Variants in SH3GL2 observed in about 807,000 individuals in gnomAD.
SH3GL2 encodes SH3 domain containing GRB2 like 2, endophilin A1.
Under a neutral mutation model 46.0 loss-of-function variants are expected in SH3GL2, and 24 were observed. The observed-to-expected ratio is 0.52, with a 90% CI of 0.38 to 0.73. The LOEUF (loss-of-function observed/expected upper bound fraction) is 0.73. SH3GL2 is among the 30% of genes least tolerant of loss of function. The pLI is 0.00. For missense variants in SH3GL2, 413 were observed against 424.2 expected, an observed-to-expected ratio of 0.97 and a Z score of 0.23; for synonymous variants, 196 against 147.1, an observed-to-expected ratio of 1.33 and a Z score of -2.40.
At chr9:17,684,664 A>G (rs929393464) in intron 1 of SH3GL2, among the ~76,000 whole-genome samples, 17 of 152,284 alleles carry the variant, frequency 1.1e-4, no homozygotes, top group African/African-American at 3.6e-4. Flanking sequence ...ACAGTCAGAC[A>G]TATTGTATTC....
At chr9:17,777,432 A>G (rs901189538) in intron 3 of SH3GL2, among the ~76,000 whole-genome samples, 2 of 152,222 alleles carry the variant, frequency 1.3e-5, no homozygotes, top group East Asian at 3.9e-4. Context: ...AAAAGAAAGT[A>G]TATGGGTTGA....
At chr9:17,664,730 A>G (rs1323806603) in intron 1 of SH3GL2, among the ~76,000 whole-genome samples, 1 of 151,636 alleles carries the variant, frequency 6.6e-6, no homozygotes, top group Non-Finnish European at 1.5e-5. Flanking sequence ...TAGAAAATTC[A>G]AAAGTACATT....
chr9:17,686,205 C>A, intron 1 of SH3GL2, among the ~76,000 whole-genome samples: 5 of 121,994 alleles, frequency 4.1e-5, no homozygotes, highest in Admixed American at 1.8e-4. Context: ...TCATCACTGG[C>A]CATCAGAGAA....
At chr9:17,668,410 C>T (rs1026728751) in intron 1 of SH3GL2, among the ~76,000 whole-genome samples, 2 of 152,062 alleles carry the variant, frequency 1.3e-5, no homozygotes, top group Non-Finnish European at 2.9e-5. Context: ...CATCCTTGTC[C>T]GTCAACAATC....
intron 3 of SH3GL2, among the ~76,000 whole-genome samples, chr9:17,770,170 T>C (rs1823431805): frequency 6.6e-6 from 1 of 152,208 alleles, no homozygotes; most frequent in Non-Finnish European, 1.5e-5. Flanking sequence ...ACAATTGCTT[T>C]GGGAAAAGTG....
intron 1 of SH3GL2, among the ~76,000 whole-genome samples, chr9:17,711,839 A>G (rs938349302): frequency 3.3e-5 from 5 of 151,814 alleles, no homozygotes; most frequent in African/African-American, 9.7e-5. Flanking sequence ...TAAGAATGGA[A>G]TAGCTGGATT....
At chr9:17,749,185 G>C (rs939857117) in intron 2 of SH3GL2, among the ~76,000 whole-genome samples, 11 of 152,160 alleles carry the variant, frequency 7.2e-5, no homozygotes, top group Non-Finnish European at 1.6e-4. Flanking sequence ...ATCTCTGGAT[G>C]GTTCTAAATA....
chr9:17,646,098 T>C (rs1338443307), intron 1 of SH3GL2, among the ~76,000 whole-genome samples: 2 of 151,992 alleles, frequency 1.3e-5, no homozygotes, highest in African/African-American at 4.8e-5. Flanking sequence ...TCTATTCTTG[T>C]CTTCATGCTT....
chr9:17,691,410 G>C (rs944045905), intron 1 of SH3GL2, among the ~76,000 whole-genome samples: 1 of 152,122 alleles, frequency 6.6e-6, no homozygotes, highest in Non-Finnish European at 1.5e-5. Flanking sequence ...TAGAAAATTA[G>C]ATAGTAATAT....
intron 1 of SH3GL2, among the ~76,000 whole-genome samples, chr9:17,632,452 T>C (rs1170573813): frequency 6.6e-6 from 1 of 152,198 alleles, no homozygotes; most frequent in Non-Finnish European, 1.5e-5. Flanking sequence ...ACTATACAAA[T>C]GTCACTGTCA....
intron 1 of SH3GL2, among the ~76,000 whole-genome samples, chr9:17,657,970 A>G (rs1275010325): frequency 1.3e-5 from 2 of 152,142 alleles, no homozygotes; most frequent in East Asian, 1.9e-4. Context: ...CATAATGAAA[A>G]CTTTCTATTG....
At chr9:17,718,288 C>A (rs1821809813) in intron 1 of SH3GL2, among the ~76,000 whole-genome samples, 1 of 152,110 alleles carries the variant, frequency 6.6e-6, no homozygotes, top group Non-Finnish European at 1.5e-5. Flanking sequence ...CGTGATTTAT[C>A]AAGCATTTCA....
At chr9:17,677,342 G>A (rs1820637616) in intron 1 of SH3GL2, among the ~76,000 whole-genome samples, 1 of 152,050 alleles carries the variant, frequency 6.6e-6, no homozygotes, top group Admixed American at 6.6e-5. Flanking sequence ...TTTTCCTGGT[G>A]ATACGGTACT....
chr9:17,656,890 A>G (rs1820091987), intron 1 of SH3GL2, among the ~76,000 whole-genome samples: 1 of 152,116 alleles, frequency 6.6e-6, no homozygotes, highest in Non-Finnish European at 1.5e-5. Context: ...TTAAAAATCC[A>G]GAAACACTTA....
intron 3 of SH3GL2, among the ~76,000 whole-genome samples, chr9:17,772,999 A>G (rs1823535266): frequency 6.6e-6 from 1 of 151,946 alleles, no homozygotes; most frequent in Admixed American, 6.5e-5. Flanking sequence ...AACACTTGTT[A>G]TTTTCTGTTT....
chr9:17,775,529 G>A (rs1192104041), intron 3 of SH3GL2, among the ~76,000 whole-genome samples: 6 of 152,114 alleles, frequency 3.9e-5, no homozygotes, highest in Non-Finnish European at 4.4e-5. Flanking sequence ...TCTGGTTATG[G>A]TCTTCAGTTT....
chr9:17,585,922 G>C (rs879457763), intron 1 of SH3GL2, among the ~76,000 whole-genome samples: 8 of 152,134 alleles, frequency 5.3e-5, no homozygotes, highest in Non-Finnish European at 1.0e-4. Context: ...AGTGTTTTTG[G>C]TTTAGAATTT....
At chr9:17,648,263 G>T (rs1487348863) in intron 1 of SH3GL2, among the ~76,000 whole-genome samples, 2 of 152,136 alleles carry the variant, frequency 1.3e-5, no homozygotes, top group Non-Finnish European at 2.9e-5. Flanking sequence ...TATATAGAGA[G>T]ATCTGTGCTT....
intron 3 of SH3GL2, among the ~76,000 whole-genome samples, chr9:17,778,630 C>T (rs1563850803): frequency 6.6e-6 from 1 of 152,044 alleles, no homozygotes; most frequent in East Asian, 1.9e-4. Context: ...ACTGTCCTTA[C>T]TCTTCTATTG....
Sources: allele counts gnomAD v4.1 joint callset (sites outside exome capture counted in the v4.1 genomes callset), GRCh38; gene constraint gnomAD v4.1.1; transcripts MANE v1.5; gene names NCBI Gene and HGNC (gene_info 2026-07-23, HGNC 2026-07-21).